The following SMC5 variants were observed in gnomAD, a reference collection of about 807,000 sequenced individuals.
The protein encoded by SMC5 is structural maintenance of chromosomes 5.
SMC5 carries 88 observed loss-of-function variants against 148.3 expected under a neutral mutation model. The ratio of observed to expected loss-of-function variants is 0.59; its 90% confidence interval spans 0.50 to 0.71. The LOEUF (loss-of-function observed/expected upper bound fraction) is 0.71. Ranked by LOEUF, SMC5 falls within the 30% of genes least tolerant of loss-of-function variation. The pLI is 0.00. For synonymous variants in SMC5, 421 were observed against 432.8 expected, an observed-to-expected ratio of 0.97 and a Z score of 0.34; for missense variants, 1,142 against 1,298.9, an observed-to-expected ratio of 0.88 and a Z score of 1.86.
chr9:70,259,165 G>C lies in SMC5; in HGVS notation c.87G>C (p.Pro29=). The C allele has an allele frequency of 6.2e-7, 1 of 1,611,674 alleles. No homozygotes were observed. Among genetic ancestry groups the C allele is most frequent in the Non-Finnish European group, 8.5e-7 (1 of 1,178,990 alleles). The stretch of plus-strand genomic sequence containing the variant: ...CGAGAGACCCTTCGTCGGAGGTCCC[G>C]AGCAAGAGGAAGAATTCGGCCCCGC... ...ALPRDPSSEV[P]SKRKNSAPQL... Residue 29 remains proline (P), a synonymous_variant, in exon 1 of 25, where the codon CCG becomes CCC. Coordinates refer to ENST00000361138, the MANE Select transcript of SMC5 (RefSeq NM_015110.4).
intron 8 of SMC5, among the ~76,000 whole-genome samples, chr9:70,289,931 C>T (rs1274591926): frequency 6.6e-6 from 1 of 151,568 alleles, no homozygotes; most frequent in Non-Finnish European, 1.5e-5. Context: ...TTGGGTATCT[C>T]TAATATGAAA....
Position 70,280,630 on chromosome 9 carries a change from A to G in SMC5, c.679-129A>G, listed in dbSNP as rs546252836. The G allele has an allele frequency of 8.5e-4, 688 of 805,822 alleles. 6 individuals carry two copies. The highest frequency in any genetic ancestry group is 8.8e-5 in the Non-Finnish European group (46 of 522,556). The allele number at this position is 805,822 out of a possible 1,614,324, so 49.9% of individuals were successfully genotyped here. A position where few individuals can be genotyped will look rare whatever the true frequency, so the allele number is the denominator to read the frequency against. ...CACTGTTGCCTAGGCTGGAGTCTACATAGTTCTTAAGAACTCCTGTGAATT... is the reference window on the plus strand; with the variant it reads ...CACTGTTGCCTAGGCTGGAGTCTACGTAGTTCTTAAGAACTCCTGTGAATT... On this transcript the variant is annotated intron_variant, in intron 5 of 24. Coordinates refer to ENST00000361138, the MANE Select transcript of SMC5 (RefSeq NM_015110.4).
intron 1 of SMC5, among the ~76,000 whole-genome samples, chr9:70,263,626 A>C (rs2034197498): frequency 6.6e-6 from 1 of 152,214 alleles, no homozygotes; most frequent in Non-Finnish European, 1.5e-5. Flanking sequence ...ATTAGATGCT[A>C]ACTATAATTA....
At chr9:70,318,732 T>C (rs2035872001) in intron 14 of SMC5, 45 bp downstream of exon 14, 2 of 1,557,778 alleles carry the variant, frequency 1.3e-6, no homozygotes, top group Non-Finnish European at 1.7e-6. Context: ...ATTAACTGGA[T>C]TTCTAATAGT....
intron 11 of SMC5, among the ~76,000 whole-genome samples, chr9:70,307,667 T>C (rs2035541805): frequency 6.6e-6 from 1 of 152,050 alleles, no homozygotes; most frequent in South Asian, 2.1e-4. Context: ...CGTGCCCGGC[T>C]AATTTTTTGT....
At position 70,347,968 on chromosome 9, in the gene SMC5, A is replaced by T; in HGVS notation, c.2819A>T (p.Asn940Ile). Reference sequence around the variant, plus strand: ...TTAAAAGAGCTGGTAGAAAAAATTAATGAAAAATTCAGCAATTTTTTTAGT... The same window carrying T: ...TTAAAAGAGCTGGTAGAAAAAATTATTGAAAAATTCAGCAATTTTTTTAGT... The part of the protein sequence containing the change: ...NPLKELVEKI[N>I]EKFSNFFSSM... Residue 940 changes from asparagine (N) to isoleucine (I), a missense_variant, in exon 22 of 25, where the codon AAT becomes ATT. This residue lies in a region of SMC5 where 743 missense variants were observed against 835.7 expected (regional missense o/e 0.89). Coordinates refer to ENST00000361138, the MANE Select transcript of SMC5 (RefSeq NM_015110.4). 1 of 1,606,684 alleles carries T rather than the reference A, an allele frequency of 6.2e-7. No individual in the cohort carries two copies. Among genetic ancestry groups the T allele is most frequent in the South Asian group, 1.1e-5 (1 of 89,564 alleles).
chr9:70,301,577 C>A (rs1404159616), intron 10 of SMC5, among the ~76,000 whole-genome samples: 2 of 152,064 alleles, frequency 1.3e-5, no homozygotes, highest in South Asian at 4.1e-4. Context: ...TAGTCTATTT[C>A]TATGATTTAT....
intron 17 of SMC5, among the ~76,000 whole-genome samples, chr9:70,324,887 G>A (rs1205802056): frequency 6.6e-6 from 1 of 152,144 alleles, no homozygotes; most frequent in Admixed American, 6.5e-5. Flanking sequence ...CCAACATTTT[G>A]GAGGTTCCTA....
intron 22 of SMC5, among the ~76,000 whole-genome samples, chr9:70,348,427 C>T (rs2036723601): frequency 6.6e-6 from 1 of 151,686 alleles, no homozygotes; most frequent in African/African-American, 2.4e-5. Context: ...TGTGGTGGCT[C>T]ACGCCTGTAA....
At position 70,273,470 on chromosome 9, in the gene SMC5, A is replaced by G. The variant is rs557671367; in HGVS notation, c.381-3840A>G. On this transcript the variant is annotated intron_variant, in intron 3 of 24. Coordinates refer to ENST00000361138, the MANE Select transcript of SMC5 (RefSeq NM_015110.4). ...TTTTTTTCAATGAACTAACTTTTGC[A>G]TTTGTCGTATATCATGGTTTTCTAT... is the stretch of plus-strand genomic sequence containing the variant. 4.6e-5 allele frequency among the ~76,000 whole-genome samples: 7 copies of G among 151,826 alleles called. No individual in the cohort carries two copies. In the South Asian group the frequency reaches 1.5e-3, roughly 32 times the overall value.
intron 5 of SMC5, among the ~76,000 whole-genome samples, chr9:70,279,006 A>G (rs1587631965): frequency 6.6e-6 from 1 of 152,248 alleles, no homozygotes; most frequent in East Asian, 1.9e-4. Flanking sequence ...TTAATATAGC[A>G]CTTCCGTTGA....
chr9:70,352,648 G>C lies in SMC5; in HGVS notation c.*317G>C. On this transcript the variant is annotated 3_prime_UTR_variant, in exon 25 of 25. Coordinates refer to ENST00000361138, the MANE Select transcript of SMC5 (RefSeq NM_015110.4). ...GTGGAAGAAGGGTTAATCACAAGAA[G>C]TTACTTATATGGTAGCCCTGAGCTT... 4.8e-6 allele frequency: 1 copy of C among 209,606 alleles called. No homozygotes were observed. The highest frequency in any genetic ancestry group is 9.6e-6 in the Non-Finnish European group (1 of 104,368). The allele number at this position is 209,606 out of a possible 1,614,324, so 13.0% of individuals were successfully genotyped here. A position where few individuals can be genotyped will look rare whatever the true frequency, so the allele number is the denominator to read the frequency against.
intron 19 of SMC5, 78 bp downstream of exon 19, chr9:70,346,727 C>A (rs746097138): frequency 2.8e-5 from 41 of 1,440,638 alleles, no homozygotes; most frequent in Non-Finnish European, 3.6e-5. Context: ...TGCTTTAAGG[C>A]CCGGAGATGA....
chr9:70,328,252 C>T (rs1392207898), intron 17 of SMC5, among the ~76,000 whole-genome samples: 1 of 152,152 alleles, frequency 6.6e-6, no homozygotes, highest in African/African-American at 2.4e-5. Flanking sequence ...AAAGTCTTAA[C>T]TCATTCTAGC....
chr9:70,307,006 C>T (rs2118488939), intron 11 of SMC5, among the ~76,000 whole-genome samples: 1 of 152,270 alleles, frequency 6.6e-6, no homozygotes, highest in Non-Finnish European at 1.5e-5. Context: ...TGAGTACTAC[C>T]TATAGTATTA....
At chr9:70,294,043 T>A (rs2035133318) in intron 8 of SMC5, among the ~76,000 whole-genome samples, 1 of 152,104 alleles carries the variant, frequency 6.6e-6, no homozygotes, top group Non-Finnish European at 1.5e-5. Context: ...TTTAGGTAGC[T>A]ACATGGAGTC....
chr9:70,280,973 A>T, intron 6 of SMC5, 74 bp downstream of exon 6: 1 of 1,525,956 alleles, frequency 6.6e-7, no homozygotes, highest in Non-Finnish European at 9.0e-7. Flanking sequence ...AGTATTAGTT[A>T]CTGTGTATTC....
chr9:70,263,126 A>G (rs1440292205), intron 1 of SMC5, among the ~76,000 whole-genome samples: 3 of 152,190 alleles, frequency 2.0e-5, no homozygotes, highest in African/African-American at 7.2e-5. Flanking sequence ...CACAACAGGA[A>G]ATCCAAGTGG....
intron 17 of SMC5, among the ~76,000 whole-genome samples, chr9:70,342,288 T>C (rs1224976490): frequency 1.3e-5 from 2 of 149,712 alleles, no homozygotes; most frequent in Non-Finnish European, 3.0e-5. Flanking sequence ...TACCTAATGC[T>C]AGATGACGAG....
Sources: gnomAD v4.1 joint callset for allele counts (sites outside exome capture counted in the v4.1 genomes callset) on GRCh38, gnomAD v4.1.1 for gene constraint, gnomAD v4.1.1 regional missense constraint, MANE v1.5 for transcripts, NCBI Gene and HGNC (gene_info 2026-07-23, HGNC 2026-07-21) for gene names.